The following HSD3B2 variants were observed in gnomAD, a reference collection of about 807,000 sequenced individuals.
HSD3B2 encodes the protein 3 beta-hydroxysteroid dehydrogenase/Delta 5-->4-isomerase type 2.
In HSD3B2, 8 loss-of-function variants were observed where a neutral mutation model predicts 9.9. The observed-to-expected ratio is 0.81, with a 90% CI of 0.47 to 1.46. The LOEUF is 1.46. Ranked by LOEUF, HSD3B2 falls within the 40% of genes most tolerant of loss-of-function variation. The pLI, the probability that HSD3B2 is intolerant of heterozygous loss-of-function variation, is 0.00. For synonymous variants in HSD3B2, 221 were observed against 184.5 expected (o/e 1.20, Z -1.60); for missense variants, 410 against 448.3 (o/e 0.91, Z 0.77).
At chr1:119,420,863 C>T (rs1651838277) in intron 3 of HSD3B2, among the ~76,000 whole-genome samples, 1 of 152,124 alleles carries the variant, frequency 6.6e-6, no homozygotes, top group Non-Finnish European at 1.5e-5. Flanking sequence ...CACACTCCCT[C>T]CCCAGTCCTC....
Position 119,422,438 on chromosome 1 carries a change from C to T in HSD3B2, c.937C>T (p.Pro313Ser). ...LLSPIYSYQP[P>S]FNRHTVTLSN... The stretch of plus-strand genomic sequence containing the variant: ...CAGCCCAATTTACTCCTATCAACCC[C>T]CCTTCAACCGCCACACAGTCACATT... The change falls in exon 4 of 4, where the codon CCC becomes TCC. Residue 313 changes from proline to serine, a missense_variant. Physicochemically the swap from Pro to Ser is moderately conservative, Grantham distance 74. Coordinates refer to ENST00000369416, the MANE Select transcript of HSD3B2 (RefSeq NM_000198.4). 6.2e-7 allele frequency: 1 copy of T among 1,614,120 alleles called. No homozygotes were observed. Among genetic ancestry groups the T allele is most frequent in the Non-Finnish European group, 8.5e-7 (1 of 1,179,992 alleles).
At chr1:119,421,459 ATATATGT>A (rs1557869548) in intron 3 of HSD3B2, among the ~76,000 whole-genome samples, 10 of 9,174 alleles carry the variant, frequency 1.1e-3, no homozygotes, top group African/African-American at 4.9e-3. Flanking sequence ...ATATGTATAT[ATATATGT>A]ATATATATAT....
chr1:119,418,758 C>A (rs1352997384), intron 2 of HSD3B2, among the ~76,000 whole-genome samples: 1 of 151,854 alleles, frequency 6.6e-6, no homozygotes, highest in African/African-American at 2.4e-5. Flanking sequence ...CTCCATCCTT[C>A]CTCCTGCTTC....
At chr1:119,419,076 A>G (rs587727390) in intron 2 of HSD3B2, among the ~76,000 whole-genome samples, 1 of 152,118 alleles carries the variant, frequency 6.6e-6, no homozygotes, top group Non-Finnish European at 1.5e-5. Flanking sequence ...TCCCTCTTAT[A>G]CCCAACTCTC....
chr1:119,422,487 C>A lies in HSD3B2; in HGVS notation c.986C>A (p.Ser329Tyr). The A allele has an allele frequency of 6.2e-7, 1 of 1,614,078 alleles. No homozygotes were observed. The highest frequency in any genetic ancestry group is 2.2e-5 in the East Asian group (1 of 44,854). The stretch of plus-strand genomic sequence containing the variant: ...TTATCAAATAGTGTGTTCACCTTCT[C>A]TTACAAGAAGGCTCAGCGAGATCTG... Reference protein sequence around the residue: ...VTLSNSVFTFSYKKAQRDLAY... With the variant: ...VTLSNSVFTFYYKKAQRDLAY... The change falls in exon 4 of 4, where the codon TCT (serine) becomes TAT (tyrosine). Residue 329 changes from serine (S) to tyrosine (Y), a missense_variant. By Grantham distance (144) the Ser-to-Tyr change is moderately radical (BLOSUM62 -2). Transcript: ENST00000369416.
At position 119,419,536 on chromosome 1, in the gene HSD3B2, C is replaced by G; in HGVS notation, c.261C>G (p.Val87=). 6.2e-7 allele frequency: 1 copy of G among 1,613,864 alleles called. No individual in the cohort carries two copies. Among genetic ancestry groups the G allele is most frequent in the Non-Finnish European group, 8.5e-7 (1 of 1,179,830 alleles). Residue 87 remains valine (V), a synonymous_variant, in exon 3 of 4, where the codon GTC becomes GTG. Transcript: ENST00000369416. ...VVIHTACIID[V]FGVTHRESIM... ...TCCACACCGCCTGTATCATTGATGT[C>G]TTTGGTGTCACTCACAGAGAGTCCA...
In HSD3B2 at chr1:119,422,831, A is replaced by G. The variant is rs1651933173; in HGVS notation, c.*211A>G. The G allele has an allele frequency of 9.6e-6, 6 of 624,454 alleles. No homozygotes were observed. The highest frequency in any genetic ancestry group is 1.7e-5 in the Non-Finnish European group (6 of 353,086). 38.7% of individuals were successfully genotyped at this position (624,454 alleles called of 1,614,324 possible). A position where few individuals can be genotyped will look rare whatever the true frequency, so the allele number is the denominator to read the frequency against. On this transcript the variant is annotated 3_prime_UTR_variant, in exon 4 of 4. Coordinates refer to ENST00000369416, the MANE Select transcript of HSD3B2 (RefSeq NM_000198.4). The stretch of plus-strand genomic sequence containing the variant: ...ACTTTCTGTCCTAATCATACACCAG[A>G]AGACAAACAATATGATTTGCTGTTA...
In HSD3B2 at chr1:119,422,723, C is replaced by A; in HGVS notation, c.*103C>A. ...AGGCAACAGGGGCACAAGCCCAGGTCCTGCTGCCTCTCTTTCACACAATGC... is the reference window on the plus strand; with the variant it reads ...AGGCAACAGGGGCACAAGCCCAGGTACTGCTGCCTCTCTTTCACACAATGC... On this transcript the variant is annotated 3_prime_UTR_variant, in exon 4 of 4. Coordinates refer to ENST00000369416, the MANE Select transcript of HSD3B2 (RefSeq NM_000198.4). 2.2e-6 allele frequency: 3 copies of A among 1,351,700 alleles called. No individual in the cohort carries two copies. Among genetic ancestry groups the A allele is most frequent in the Non-Finnish European group, 3.1e-6 (3 of 963,646 alleles). The allele number at this position is 1,351,700 out of a possible 1,614,324, so 83.7% of individuals were successfully genotyped here.
rs587770260 is a variant in HSD3B2, at chr1:119,418,160, G to A, written c.143-1258G>A. Among the ~76,000 whole-genome samples the A allele has an allele frequency of 6.6e-5, 10 of 152,304 alleles. 1 individual carries two copies. The South Asian group carries it at 1.5e-3, about 22-fold the overall frequency. ...GCCTGAAGATATGGATGTTACATCC[G>A]CTGCCCTTGGCTAGACATTAGACAG... On this transcript the variant is annotated intron_variant, in intron 2 of 3. Transcript: ENST00000369416.
Position 119,415,318 on chromosome 1 carries a change from C to T in HSD3B2, c.-89-13C>T. On this transcript the variant is annotated splice_polypyrimidine_tract_variant and intron_variant, in intron 1 of 3. Transcript: ENST00000369416. ...TCTGCTGAGTGTATAACCATTTTAC[C>T]TCTTGTTTTTAGCCCTCTTCTGGGT... The T allele has an allele frequency of 1.6e-6, 2 of 1,265,250 alleles. No individual in the cohort carries two copies. Among genetic ancestry groups the T allele is most frequent in the Non-Finnish European group, 2.3e-6 (2 of 867,236 alleles). The allele number at this position is 1,265,250 out of a possible 1,614,324, so 78.4% of individuals were successfully genotyped here. A position where few individuals can be genotyped will look rare whatever the true frequency, so the allele number is the denominator to read the frequency against.
At position 119,419,486 on chromosome 1, in the gene HSD3B2, G is replaced by C; in HGVS notation, c.211G>C (p.Ala71Pro). Residue 71 changes from alanine to proline, a missense_variant, in exon 3 of 4, where the codon GCC becomes CCC. Physicochemically the swap from Ala to Pro is conservative, Grantham distance 27. Transcript: ENST00000369416. Reference protein sequence around the residue: ...DILDEPFLKRACQDVSVVIHT... With the variant: ...DILDEPFLKRPCQDVSVVIHT... ...TCTGGATGAGCCATTCCTGAAAAGA[G>C]CCTGCCAGGACGTCTCGGTCGTCAT... 1 of 1,613,798 alleles carries C rather than the reference G, an allele frequency of 6.2e-7. No individual in the cohort carries two copies. Among genetic ancestry groups the C allele is most frequent in the Non-Finnish European group, 8.5e-7 (1 of 1,179,770 alleles).
chr1:119,415,516 G>T lies in HSD3B2; in HGVS notation c.97G>T (p.Ala33Ser), dbSNP rs774377636. 4 of 1,613,942 alleles carry T rather than the reference G, an allele frequency of 2.5e-6. No homozygotes were observed. The highest frequency in any genetic ancestry group is 3.4e-6 in the Non-Finnish European group (4 of 1,179,880). Residue 33 changes from alanine (A) to serine (S), a missense_variant, in exon 2 of 4, where the codon GCC (alanine) becomes TCC (serine). By Grantham distance (99) the Ala-to-Ser change is moderately conservative. Coordinates refer to ENST00000369416, the MANE Select transcript of HSD3B2 (RefSeq NM_000198.4). ...VEEKELKEIR[A>S]LDKAFRPELR... ...AGAGAAGGAACTGAAGGAGATCAGGGCCTTGGACAAGGCCTTCAGACCAGA... is the reference window on the plus strand; with the variant it reads ...AGAGAAGGAACTGAAGGAGATCAGGTCCTTGGACAAGGCCTTCAGACCAGA...
chr1:119,415,803 G>T (rs1305431276), intron 2 of HSD3B2, among the ~76,000 whole-genome samples: 2 of 152,142 alleles, frequency 1.3e-5, no homozygotes, highest in Admixed American at 6.5e-5. Flanking sequence ...CAGCCTCAAG[G>T]CCCCTTTTCT....
chr1:119,419,576 G>T lies in HSD3B2; in HGVS notation c.301G>T (p.Val101Leu), dbSNP rs752453060. Reference sequence around the variant, plus strand: ...CAGAGAGTCCATCATGAATGTCAATGTGAAAGGTACAGTAGCCTGGGGAGG... The same window carrying T: ...CAGAGAGTCCATCATGAATGTCAATTTGAAAGGTACAGTAGCCTGGGGAGG... The part of the protein sequence containing the change: ...THRESIMNVN[V>L]KGTQLLLEAC... The change falls in exon 3 of 4, where the codon GTG becomes TTG. Residue 101 changes from valine to leucine, a missense_variant. By Grantham distance (32) the Val-to-Leu change is conservative. Coordinates refer to ENST00000369416, the MANE Select transcript of HSD3B2 (RefSeq NM_000198.4). 101 of 1,613,702 alleles carry T rather than the reference G, an allele frequency of 6.3e-5. 1 individual carries two copies. In the South Asian group the frequency reaches 1.1e-3, roughly 18 times the overall value.
At position 119,422,638 on chromosome 1, in the gene HSD3B2, T is replaced by C; in HGVS notation, c.*18T>C. On this transcript the variant is annotated 3_prime_UTR_variant, in exon 4 of 4. Transcript: ENST00000369416. ...CTCAGTGATTTAAGGATGACAGAGA[T>C]GTGCATGTGGGTATTGTTAGGAAAT... 6.2e-7 allele frequency: 1 copy of C among 1,612,928 alleles called. No individual in the cohort carries two copies. Among genetic ancestry groups the C allele is most frequent in the Non-Finnish European group, 8.5e-7 (1 of 1,179,794 alleles).
chr1:119,421,863 ACACCAGTAG>A lies in HSD3B2; in HGVS notation c.365_373del (p.Thr122_Ser124del), dbSNP rs1651887562. ...CAAGCCAGTGTGCCAGTCTTCATCT[ACACCAGTAG>A]CATAGAGGTAGCCGGGCCCAACTCC... On this transcript the variant is annotated inframe_deletion, in exon 4 of 4. Transcript: ENST00000369416. 6.2e-7 allele frequency: 1 copy of A among 1,613,850 alleles called. No homozygotes were observed. Among genetic ancestry groups the A allele is most frequent in the South Asian group, 1.1e-5 (1 of 91,066 alleles).
At chr1:119,421,393 A>ATATATATGTATATATATATATG (rs1651852843) in intron 3 of HSD3B2, among the ~76,000 whole-genome samples, 2 of 119,644 alleles carry the variant, frequency 1.7e-5, no homozygotes, top group Non-Finnish European at 3.3e-5. Flanking sequence ...ATATATATGT[A>ATATATATGTATATATATATATG]TATATATATG....
rs781770416 is a variant in HSD3B2, at chr1:119,422,557, C to T, written c.1056C>T (p.Thr352=). The change falls in exon 4 of 4, where the codon ACC becomes ACT. Residue 352 remains threonine, a synonymous_variant. Transcript: ENST00000369416. ...LYSWEEAKQK[T]VEWVGSLVDR... ...GCTGGGAGGAAGCCAAGCAGAAAACCGTGGAGTGGGTTGGTTCCCTTGTGG... is the reference window on the plus strand; with the variant it reads ...GCTGGGAGGAAGCCAAGCAGAAAACTGTGGAGTGGGTTGGTTCCCTTGTGG... 2.2e-5 allele frequency: 36 copies of T among 1,613,916 alleles called. No homozygotes were observed. Among genetic ancestry groups the T allele is most frequent in the Admixed American group, 5.0e-5 (3 of 59,992 alleles).
chr1:119,416,928 A>T (rs946089351), intron 2 of HSD3B2, among the ~76,000 whole-genome samples: 10 of 152,246 alleles, frequency 6.6e-5, no homozygotes, highest in Non-Finnish European at 1.3e-4. Context: ...GTGAAAATGC[A>T]GGGAGCATAA....
Sources: gnomAD v4.1 joint callset for allele counts (sites outside exome capture counted in the v4.1 genomes callset) on GRCh38, gnomAD v4.1.1 for gene constraint, MANE v1.5 for transcripts, NCBI Gene and HGNC (gene_info 2026-07-23, HGNC 2026-07-21) for gene names.